Variants in FAM120A observed in about 807,000 individuals in gnomAD.
FAM120A encodes the protein constitutive coactivator of PPAR-gamma-like protein 1.
Under a neutral mutation model 109.7 loss-of-function variants are expected in FAM120A, and 15 were observed. That is an observed-to-expected ratio of 0.14 (90% CI 0.09 to 0.21). The LOEUF is 0.21. FAM120A is among the 10% of genes least tolerant of loss of function. FAM120A has a pLI of 1.00. For synonymous variants in FAM120A, 493 were observed against 572.8 expected, an observed-to-expected ratio of 0.86 and a Z score of 1.99; for missense variants, 899 against 1,439.3, an observed-to-expected ratio of 0.62 and a Z score of 6.07.
At chr9:93,548,313 T>C (rs1225914820) in intron 11 of FAM120A, among the ~76,000 whole-genome samples, 1 of 152,116 alleles carries the variant, frequency 6.6e-6, no homozygotes. Flanking sequence ...GGTTTCACCA[T>C]GTTAGCCAGG....
chr9:93,541,784 C>T (rs1861710179), intron 10 of FAM120A, among the ~76,000 whole-genome samples: 1 of 152,186 alleles, frequency 6.6e-6, no homozygotes, highest in African/African-American at 2.4e-5. Context: ...TCCAGAAGGG[C>T]TTGTCACAGA....
At chr9:93,545,843 T>A (rs1387976906) in intron 11 of FAM120A, among the ~76,000 whole-genome samples, 1 of 140,728 alleles carries the variant, frequency 7.1e-6, no homozygotes, top group Non-Finnish European at 1.5e-5. Flanking sequence ...TGGAGTGCAA[T>A]GGTGTGATCA....
At chr9:93,563,866 CCT>C (rs1033561913) in intron 17 of FAM120A, among the ~76,000 whole-genome samples, 4 of 152,112 alleles carry the variant, frequency 2.6e-5, no homozygotes, top group Admixed American at 2.0e-4. Flanking sequence ...TGTGGGAGAC[CCT>C]GTTTGTTTTG....
At chr9:93,479,366 G>A (rs981039942) in intron 3 of FAM120A, among the ~76,000 whole-genome samples, 3 of 152,168 alleles carry the variant, frequency 2.0e-5, no homozygotes, top group Non-Finnish European at 4.4e-5. Context: ...CCAAAGTAGG[G>A]TATTGCATTT....
chr9:93,529,259 C>T (rs1321854630), intron 8 of FAM120A, 94 bp from the exon 9 acceptor site: 12 of 1,123,254 alleles, frequency 1.1e-5, no homozygotes, highest in East Asian at 2.6e-5. Context: ...TTGTCCCCTC[C>T]GTGTCTGTCA....
intron 7 of FAM120A, among the ~76,000 whole-genome samples, chr9:93,519,619 A>T (rs954832530): frequency 2.6e-5 from 4 of 152,026 alleles, no homozygotes; most frequent in African/African-American, 9.7e-5. Context: ...GTGTGACCCC[A>T]CCTGCTGCAC....
intron 11 of FAM120A, among the ~76,000 whole-genome samples, chr9:93,545,779 C>CTTTTTTTTTTTTTTTTTTTTTTT (rs1564355502): frequency 1.1e-5 from 1 of 86,994 alleles, no homozygotes; most frequent in African/African-American, 4.3e-5. Flanking sequence ...GGGAAAGACT[C>CTTTTTTTTTTTTTTTTTTTTTTT]CTTTTTTTTT....
In FAM120A at chr9:93,532,872, C is replaced by T. The variant is rs1416289190; in HGVS notation, c.1909+543C>T. On this transcript the variant is annotated intron_variant, in intron 10 of 17. Transcript: ENST00000277165. This position sits in a 1 kb window ranked among gnomAD's most constrained non-coding sequence, Gnocchi z 4.3. The stretch of plus-strand genomic sequence containing the variant: ...GTCTCGGAATCCTCTGAGACCTGTG[C>T]ACTTCCAGCTGATCAACTCTGGGAG... Among the ~76,000 whole-genome samples the T allele has an allele frequency of 1.3e-5, 2 of 152,186 alleles. No homozygotes were observed. Among genetic ancestry groups the T allele is most frequent in the East Asian group, 3.8e-4 (2 of 5,200 alleles).
chr9:93,473,846 G>A lies in FAM120A; in HGVS notation c.722-2410G>A, dbSNP rs115929693. ...CCTCTGATGTTAAAAGTGAGTATGG[G>A]GGTGGCACATTATATGGAAAGTTCC... On this transcript the variant is annotated intron_variant, in intron 2 of 17. Coordinates refer to ENST00000277165, the MANE Select transcript of FAM120A (RefSeq NM_014612.5). Among the ~76,000 whole-genome samples the A allele has an allele frequency of 8.3e-3, 1,260 of 152,228 alleles. 16 individuals are homozygous for A. Among genetic ancestry groups the A allele is most frequent in the African/African-American group, 0.029 (1,211 of 41,528 alleles).
intron 10 of FAM120A, among the ~76,000 whole-genome samples, chr9:93,534,490 G>C (rs994082311): frequency 6.6e-6 from 1 of 152,128 alleles, no homozygotes; most frequent in Non-Finnish European, 1.5e-5. Context: ...GAGGAGGAAA[G>C]GGACACAGGA....
chr9:93,563,182 TCAA>T (rs1166825468), intron 17 of FAM120A, among the ~76,000 whole-genome samples: 4 of 152,134 alleles, frequency 2.6e-5, no homozygotes, highest in Admixed American at 6.5e-5. Flanking sequence ...GATTTTGTCA[TCAA>T]CAAGGCAAAT....
Position 93,470,359 on chromosome 9 carries a change from A to T in FAM120A, c.475-782A>T, listed in dbSNP as rs7031658. Among the ~76,000 whole-genome samples, 1,385 of 152,258 alleles carry T rather than the reference A, an allele frequency of 9.1e-3. 20 individuals are homozygous for T. The highest frequency in any genetic ancestry group is 0.032 in the African/African-American group (1,316 of 41,542). ...TTGGTATATTTTTTGGACTAGAGAG[A>T]GCCCAGAGGACTTTGACTTCTCAAA... On this transcript the variant is annotated intron_variant, in intron 1 of 17. Transcript: ENST00000277165.
intron 5 of FAM120A, among the ~76,000 whole-genome samples, chr9:93,507,240 A>G (rs1369399990): frequency 6.6e-6 from 1 of 152,094 alleles, no homozygotes; most frequent in Non-Finnish European, 1.5e-5. Flanking sequence ...GGTGGATTTC[A>G]TAGGTTTTTG....
chr9:93,558,974 C>T (rs1372555905), intron 15 of FAM120A, among the ~76,000 whole-genome samples: 1 of 152,212 alleles, frequency 6.6e-6, no homozygotes, highest in Non-Finnish European at 1.5e-5. Flanking sequence ...CAGAACCTTT[C>T]TGTGCACCTG....
chr9:93,548,261 G>A (rs774872986), intron 11 of FAM120A, among the ~76,000 whole-genome samples: 4 of 152,064 alleles, frequency 2.6e-5, no homozygotes, highest in East Asian at 3.9e-4. Context: ...CCGCCACCAC[G>A]CCCGGCTAAT....
At chr9:93,562,702 T>C (rs1862513331) in intron 17 of FAM120A, among the ~76,000 whole-genome samples, 1 of 150,376 alleles carries the variant, frequency 6.6e-6, no homozygotes, top group African/African-American at 2.5e-5. Flanking sequence ...TCTCGCTCTA[T>C]TGCCCAGGCT....
chr9:93,457,404 C>A (rs1857596155), intron 1 of FAM120A, among the ~76,000 whole-genome samples: 1 of 151,708 alleles, frequency 6.6e-6, no homozygotes, highest in Non-Finnish European at 1.5e-5. Context: ...CATTTTTTCA[C>A]ATTAATGTGA....
chr9:93,564,128 C>A, intron 17 of FAM120A, 101 bp from the exon 18 acceptor site: 2 of 1,204,584 alleles, frequency 1.7e-6, no homozygotes, highest in Non-Finnish European at 2.4e-6. Flanking sequence ...GCATTTTCTG[C>A]TCTTGAATCT....
intron 1 of FAM120A, among the ~76,000 whole-genome samples, chr9:93,462,456 A>G (rs370989479): frequency 6.6e-6 from 1 of 152,220 alleles, no homozygotes; most frequent in East Asian, 1.9e-4. Context: ...TAATTTTTGT[A>G]TTTTTAGTAG....
Sources: allele counts gnomAD v4.1 joint callset (sites outside exome capture counted in the v4.1 genomes callset), GRCh38; gene constraint gnomAD v4.1.1; non-coding constraint Gnocchi (gnomAD v3.1); transcripts MANE v1.5; gene names NCBI Gene and HGNC (gene_info 2026-07-23, HGNC 2026-07-21).